The following CAMTA1 variants were observed in gnomAD, a reference collection of about 807,000 sequenced individuals.
The protein encoded by CAMTA1 is calmodulin binding transcription activator 1.
A neutral mutation model predicts 170.9 loss-of-function variants in CAMTA1; 27 were observed. The observed-to-expected ratio is 0.16, with a 90% CI of 0.12 to 0.22. The LOEUF is 0.22. Ranked by LOEUF, CAMTA1 falls within the 10% of genes least tolerant of loss-of-function variation. The pLI is 1.00. For missense variants in CAMTA1, 1,619 were observed against 2,217.2 expected (o/e 0.73, Z 5.42); for synonymous variants, 833 against 891.5 (o/e 0.93, Z 1.17).
intron 4 of CAMTA1, among the ~76,000 whole-genome samples, chr1:7,243,745 T>C (rs886185662): frequency 6.6e-6 from 1 of 152,122 alleles, no homozygotes; most frequent in Non-Finnish European, 1.5e-5. Context: ...TTTAAAGTAG[T>C]TTTTTTCCAA....
At position 7,665,316 on chromosome 1, in the gene CAMTA1, C is replaced by T; in HGVS notation, c.2652+117C>T. ...CTGCCCTTCAGAGGAAGCTCTGGACCACAAAGATGATGCTTTCCCCTCCTT... is the reference window on the plus strand; with the variant it reads ...CTGCCCTTCAGAGGAAGCTCTGGACTACAAAGATGATGCTTTCCCCTCCTT... On this transcript the variant is annotated intron_variant, in intron 9 of 22. Transcript: ENST00000303635. The surrounding 1 kb of genome is among the most constrained non-coding windows in gnomAD (Gnocchi z 4.3). 1 of 791,814 alleles carries T rather than the reference C, an allele frequency of 1.3e-6. No homozygotes were observed. Among genetic ancestry groups the T allele is most frequent in the Non-Finnish European group, 1.8e-6 (1 of 559,854 alleles). 49.0% of individuals were successfully genotyped at this position (791,814 alleles called of 1,614,324 possible).
intron 3 of CAMTA1, among the ~76,000 whole-genome samples, chr1:6,939,694 G>GC (rs1164001673): frequency 6.6e-6 from 1 of 152,214 alleles, no homozygotes; most frequent in African/African-American, 2.4e-5. Flanking sequence ...CAGCACAGAA[G>GC]CCCTTCTTGC....
intron 6 of CAMTA1, among the ~76,000 whole-genome samples, chr1:7,594,219 A>AAGGAAGGAAGGAAGGAAGGT: frequency 6.7e-6 from 1 of 150,048 alleles, no homozygotes; most frequent in Non-Finnish European, 1.5e-5. Context: ...GGAAGGAAGG[A>AAGGAAGGAAGGAAGGAAGGT]AGGAAGGAAG....
chr1:6,808,705 A>C (rs981470220), intron 1 of CAMTA1, among the ~76,000 whole-genome samples: 1 of 152,206 alleles, frequency 6.6e-6, no homozygotes, highest in African/African-American at 2.4e-5. Context: ...TTGAGTACCT[A>C]GACTTAGTAA....
intron 5 of CAMTA1, among the ~76,000 whole-genome samples, chr1:7,343,867 G>A (rs1413073895): frequency 6.6e-6 from 1 of 152,228 alleles, no homozygotes; most frequent in Admixed American, 6.5e-5. Context: ...TGGTTGATGT[G>A]TAGCTAGAGT....
Position 7,173,708 on chromosome 1 carries a change from T to A in CAMTA1, c.303-75783T>A, listed in dbSNP as rs116461208. ...CAGCCCAGAGCTTAATTTTTTTTTT[T>A]AATTATTTCTTTCTAGCCTTCTTTA... On this transcript the variant is annotated intron_variant, in intron 4 of 22. Transcript: ENST00000303635. This position sits in a 1 kb window ranked among gnomAD's most constrained non-coding sequence, Gnocchi z 5.4. 0.012 allele frequency among the ~76,000 whole-genome samples: 1,803 copies of A among 151,730 alleles called. 31 individuals are homozygous for A. The highest frequency in any genetic ancestry group is 0.041 in the African/African-American group (1,681 of 41,392).
intron 5 of CAMTA1, among the ~76,000 whole-genome samples, chr1:7,395,441 A>T (rs139741955): frequency 6.6e-6 from 1 of 152,044 alleles, no homozygotes; most frequent in Admixed American, 6.6e-5. Flanking sequence ...GTCTGTGTTT[A>T]TGGTGGTGCC....
At chr1:6,828,890 GT>G (rs1026284603) in intron 3 of CAMTA1, among the ~76,000 whole-genome samples, 8,054 of 102,126 alleles carry the variant, frequency 0.079, 95 homozygotes, top group East Asian at 0.17. Context: ...CTGTAACGTA[GT>G]TTTTTTTTTT....
intron 11 of CAMTA1, among the ~76,000 whole-genome samples, chr1:7,690,885 A>G (rs1277284236): frequency 6.6e-6 from 1 of 152,166 alleles, no homozygotes; most frequent in Non-Finnish European, 1.5e-5. Context: ...CACCTGCACT[A>G]CTTTGGAGCT....
chr1:7,373,032 T>C (rs2086593384), intron 5 of CAMTA1, among the ~76,000 whole-genome samples: 1 of 152,172 alleles, frequency 6.6e-6, no homozygotes, highest in Non-Finnish European at 1.5e-5. Flanking sequence ...TGCCAGCTCC[T>C]TCCACCCCAA....
chr1:7,183,853 G>C (rs1652715390), intron 4 of CAMTA1, among the ~76,000 whole-genome samples: 2 of 152,144 alleles, frequency 1.3e-5, no homozygotes, highest in South Asian at 4.1e-4. Flanking sequence ...CCTATAGTGA[G>C]TAAATTTATG....
chr1:7,458,555 G>T (rs1247359482), intron 5 of CAMTA1, among the ~76,000 whole-genome samples: 1 of 152,172 alleles, frequency 6.6e-6, no homozygotes, highest in Non-Finnish European at 1.5e-5. Context: ...GAATTTTGGG[G>T]AGCCTTCCCG....
At chr1:7,660,917 C>T (rs1415666596) in intron 7 of CAMTA1, among the ~76,000 whole-genome samples, 1 of 152,230 alleles carries the variant, frequency 6.6e-6, no homozygotes, top group East Asian at 1.9e-4. Context: ...ACCCCTTGGC[C>T]GGGTCTGCTC....
intron 4 of CAMTA1, among the ~76,000 whole-genome samples, chr1:7,200,719 G>T (rs150470993): frequency 2.6e-5 from 4 of 152,104 alleles, no homozygotes; most frequent in Non-Finnish European, 4.4e-5. Flanking sequence ...GGAGATTTGC[G>T]CATTGCTGGT....
chr1:7,317,712 G>A (rs1242868178), intron 5 of CAMTA1, among the ~76,000 whole-genome samples: 2 of 152,176 alleles, frequency 1.3e-5, no homozygotes, highest in South Asian at 2.1e-4. Context: ...GCCCTGTGTC[G>A]GTGACCAGTC....
At chr1:6,925,948 T>A (rs926080119) in intron 3 of CAMTA1, among the ~76,000 whole-genome samples, 12 of 152,154 alleles carry the variant, frequency 7.9e-5, no homozygotes, top group African/African-American at 2.9e-4. Context: ...AGGACCTGAC[T>A]TCCTCTCCTT....
chr1:7,613,191 A>T (rs745879495), intron 6 of CAMTA1, among the ~76,000 whole-genome samples: 6 of 152,188 alleles, frequency 3.9e-5, no homozygotes, highest in Non-Finnish European at 8.8e-5. Flanking sequence ...GATGTAGATG[A>T]GTGTTTGGCC....
chr1:7,072,269 T>G (rs987732247), intron 3 of CAMTA1, among the ~76,000 whole-genome samples: 3 of 152,212 alleles, frequency 2.0e-5, no homozygotes, highest in African/African-American at 7.2e-5. Context: ...GTTGGCTATT[T>G]CTGACTTTTG....
intron 5 of CAMTA1, among the ~76,000 whole-genome samples, chr1:7,395,541 G>C (rs1369524437): frequency 1.3e-5 from 2 of 152,106 alleles, no homozygotes; most frequent in Admixed American, 1.3e-4. Flanking sequence ...ACTCAAAATT[G>C]ATTTCACTAT....
Sources: allele counts gnomAD v4.1 joint callset (sites outside exome capture counted in the v4.1 genomes callset), GRCh38; gene constraint gnomAD v4.1.1; non-coding constraint Gnocchi (gnomAD v3.1); transcripts MANE v1.5; gene names NCBI Gene and HGNC (gene_info 2026-07-23, HGNC 2026-07-21).